The following EYA1 variants were observed in gnomAD, a reference collection of about 807,000 sequenced individuals.
The protein encoded by EYA1 is EYA transcriptional coactivator and phosphatase 1, also known as protein phosphatase EYA1.
In EYA1, 16 loss-of-function variants were observed where a neutral mutation model predicts 82.0. The observed-to-expected ratio is 0.20, with a 90% CI of 0.13 to 0.30. The LOEUF is 0.30. Among genes scored for constraint, EYA1 ranks in the 10% least tolerant of loss-of-function variants. The pLI, the probability that EYA1 is intolerant of heterozygous loss-of-function variation, is 1.00. For synonymous variants in EYA1, 261 were observed against 264.4 expected (o/e 0.99, Z 0.12); for missense variants, 633 against 730.7 (o/e 0.87, Z 1.54).
At chr8:71,254,406 GGACA>G (rs1814151222) in intron 11 of EYA1, among the ~76,000 whole-genome samples, 1 of 152,086 alleles carries the variant, frequency 6.6e-6, no homozygotes, top group African/African-American at 2.4e-5. Flanking sequence ...GAACTCTGTA[GGACA>G]GACAGTCTGG....
intron 2 of EYA1, among the ~76,000 whole-genome samples, chr8:71,478,329 T>C (rs187089365): frequency 6.6e-4 from 100 of 152,250 alleles, no homozygotes; most frequent in Non-Finnish European, 2.6e-4. Flanking sequence ...ACAGACATTG[T>C]TTGGTATAAA....
intron 2 of EYA1, among the ~76,000 whole-genome samples, chr8:71,494,657 T>C (rs1452770676): frequency 6.6e-6 from 1 of 152,078 alleles, no homozygotes; most frequent in Non-Finnish European, 1.5e-5. Context: ...TGCTGCACAT[T>C]TGAAATCTGG....
intron 2 of EYA1, among the ~76,000 whole-genome samples, chr8:71,532,418 T>A (rs1814359028): frequency 6.6e-6 from 1 of 152,170 alleles, no homozygotes; most frequent in Non-Finnish European, 1.5e-5. Flanking sequence ...AAGAAAGACA[T>A]GAAGAGGCAT....
At chr8:71,436,815 C>T (rs534291411) in intron 2 of EYA1, among the ~76,000 whole-genome samples, 1 of 152,144 alleles carries the variant, frequency 6.6e-6, no homozygotes, top group East Asian at 1.9e-4. Context: ...AAATGTTTGC[C>T]TGGAAGGTAA....
At chr8:71,261,003 G>A (rs1258436726) in intron 11 of EYA1, among the ~76,000 whole-genome samples, 1 of 152,050 alleles carries the variant, frequency 6.6e-6, no homozygotes, top group African/African-American at 2.4e-5. Context: ...TTGTTTTGGG[G>A]GAAAATAAGC....
chr8:71,503,352 A>C (rs1811955013), intron 2 of EYA1, among the ~76,000 whole-genome samples: 2 of 152,112 alleles, frequency 1.3e-5, no homozygotes, highest in Non-Finnish European at 2.9e-5. Flanking sequence ...ATGCACCTGT[A>C]GTCCCAGTTA....
At chr8:71,405,785 CAA>C (rs200195364) in intron 2 of EYA1, among the ~76,000 whole-genome samples, 2 of 144,830 alleles carry the variant, frequency 1.4e-5, no homozygotes, top group East Asian at 1.9e-4. Flanking sequence ...AAAACAAAAA[CAA>C]AGAGCAAAAC....
At position 71,199,270 on chromosome 8, in the gene EYA1, C is replaced by G. The variant is rs938004211; in HGVS notation, c.*70G>C. ...TAAGTTCTGGAGGCCGGCGCTGATG[C>G]GAGACTGGGGCCTGCTGGATCTGTC... is the stretch of plus-strand genomic sequence containing the variant. On this transcript the variant is annotated 3_prime_UTR_variant, in exon 18 of 18. Transcript: ENST00000340726. The G allele has an allele frequency of 5.9e-6, 7 of 1,179,700 alleles. No individual in the cohort carries two copies. Among genetic ancestry groups the G allele is most frequent in the Non-Finnish European group, 7.4e-6 (6 of 809,142 alleles). 73.1% of individuals were successfully genotyped at this position (1,179,700 alleles called of 1,614,324 possible). A position where few individuals can be genotyped will look rare whatever the true frequency, so the allele number is the denominator to read the frequency against.
intron 1 of EYA1, chr8:71,535,887 G>T: frequency 1.8e-6 from 1 of 564,278 alleles, no homozygotes; most frequent in Non-Finnish European, 2.8e-6. Context: ...TATTAATTGT[G>T]TGGCATGAAA....
Position 71,441,003 on chromosome 8 carries a change from C to G in EYA1, c.34-84492G>C, listed in dbSNP as rs140778790. Among the ~76,000 whole-genome samples the G allele has an allele frequency of 5.3e-5, 8 of 152,178 alleles. No individual in the cohort carries two copies. The East Asian group carries it at 1.4e-3, about 26-fold the overall frequency. The stretch of plus-strand genomic sequence containing the variant: ...AATTGTATTGATTATGAAAGTCAAA[C>G]TTTTTCTGGCATTCATCAAAACCAC... On this transcript the variant is annotated intron_variant, in intron 2 of 18. Coordinates refer to the EYA1 transcript ENST00000643681.
At chr8:71,544,067 A>C (rs1423172330) in intron 1 of EYA1, among the ~76,000 whole-genome samples, 1 of 152,192 alleles carries the variant, frequency 6.6e-6, no homozygotes, top group Non-Finnish European at 1.5e-5. Flanking sequence ...AAATAAAAAG[A>C]CAGTAATGGA....
At chr8:71,205,739 T>C (rs1299361513) in intron 17 of EYA1, among the ~76,000 whole-genome samples, 2 of 152,198 alleles carry the variant, frequency 1.3e-5, no homozygotes, top group East Asian at 3.8e-4. Flanking sequence ...CTGGCAGATT[T>C]ACTTACTGGG....
intron 9 of EYA1, among the ~76,000 whole-genome samples, chr8:71,283,992 G>A (rs765095020): frequency 6.6e-6 from 1 of 152,224 alleles, no homozygotes; most frequent in East Asian, 1.9e-4. Flanking sequence ...ACCCAGGCCT[G>A]TCTTCTCTAA....
chr8:71,361,925 A>G lies in EYA1; in HGVS notation c.-333T>C. The G allele has an allele frequency of 6.1e-6, 6 of 985,476 alleles. No individual in the cohort carries two copies. Among genetic ancestry groups the G allele is most frequent in the Non-Finnish European group, 7.2e-6 (6 of 829,962 alleles). 61.0% of individuals were successfully genotyped at this position (985,476 alleles called of 1,614,324 possible). A position where few individuals can be genotyped will look rare whatever the true frequency, so the allele number is the denominator to read the frequency against. On this transcript the variant is annotated 5_prime_UTR_variant, in exon 1 of 18. Transcript: ENST00000340726. ...GAAACCCGCCACAGTGGACGGCAAC[A>G]GGAAGGCTTAAAGTCGGAAGTGGCA...
At chr8:71,295,273 C>A (rs1307249516) in intron 9 of EYA1, among the ~76,000 whole-genome samples, 2 of 152,094 alleles carry the variant, frequency 1.3e-5, no homozygotes, top group African/African-American at 4.8e-5. Flanking sequence ...GCAAAAGACA[C>A]TGCTAAGAGA....
intron 2 of EYA1, among the ~76,000 whole-genome samples, chr8:71,384,384 A>C (rs1010174649): frequency 6.6e-6 from 1 of 152,090 alleles, no homozygotes; most frequent in South Asian, 2.1e-4. Context: ...GAGACTTCTC[A>C]TTCTTTAGGA....
intron 2 of EYA1, among the ~76,000 whole-genome samples, chr8:71,497,841 T>G (rs1811529389): frequency 6.6e-6 from 1 of 152,280 alleles, no homozygotes; most frequent in South Asian, 2.1e-4. Flanking sequence ...GAATGAATTT[T>G]TAAAATTGTG....
chr8:71,441,256 C>T (rs1806415876), intron 2 of EYA1, among the ~76,000 whole-genome samples: 1 of 152,122 alleles, frequency 6.6e-6, no homozygotes, highest in Non-Finnish European at 1.5e-5. Flanking sequence ...ATTAAAACCA[C>T]CCCAGTTGAC....
At chr8:71,406,392 A>T (rs147141609) in intron 2 of EYA1, among the ~76,000 whole-genome samples, 215 of 152,352 alleles carry the variant, frequency 1.4e-3, no homozygotes, top group African/African-American at 4.7e-3. Flanking sequence ...GAATAGGAAC[A>T]GCTCCGGTCT....
Sources: allele counts gnomAD v4.1 joint callset (sites outside exome capture counted in the v4.1 genomes callset), GRCh38; gene constraint gnomAD v4.1.1; transcripts MANE v1.5; gene names NCBI Gene and HGNC (gene_info 2026-07-23, HGNC 2026-07-21).